Variants in PRSS23 observed in about 807,000 individuals in gnomAD.
The protein encoded by PRSS23 is serine protease 23, also known as protease, serine 23.
In PRSS23, 25 loss-of-function variants were observed where a neutral mutation model predicts 34.7. The ratio of observed to expected loss-of-function variants is 0.72; its 90% CI spans 0.53 to 1.01. PRSS23 has a LOEUF of 1.01. Among genes scored for constraint, PRSS23 ranks in the 50% least tolerant of loss-of-function variants. PRSS23 has a pLI of 0.00. For synonymous variants in PRSS23, 176 were observed against 186.6 expected, an observed-to-expected ratio of 0.94 and a Z score of 0.46; for missense variants, 445 against 475.6, an observed-to-expected ratio of 0.94 and a Z score of 0.60.
chr11:86,801,128 A>C (rs959617085), intron 1 of PRSS23, among the ~76,000 whole-genome samples: 1 of 152,194 alleles, frequency 6.6e-6, no homozygotes, highest in Non-Finnish European at 1.5e-5. Context: ...CTAAGCAAGC[A>C]AGAGAAGTGC....
Position 86,941,893 on chromosome 11 carries a change from A to T in PRSS23, c.207-9323A>T, listed in dbSNP as rs138984639. 4.6e-5 allele frequency among the ~76,000 whole-genome samples: 7 copies of T among 152,220 alleles called. No homozygotes were observed. The East Asian group carries it at 1.3e-3, about 29-fold the overall frequency. ...GTCATCAAAGCCCTTCAGTTTCTCCATCTAACAAGGTTAAAACCCTCCCTT... is the reference window on the plus strand; with the variant it reads ...GTCATCAAAGCCCTTCAGTTTCTCCTTCTAACAAGGTTAAAACCCTCCCTT... On this transcript the variant is annotated intron_variant, in intron 2 of 2. Coordinates refer to the PRSS23 transcript ENST00000533902.
rs886048735 is a variant in PRSS23 at position 86,952,452 on chromosome 11, A to T, written c.*1167A>T. ...ATCTTCTCTGTGCACATTGGCACAT[A>T]AACAGAACAAAGGAAGAACTGGAAA... On this transcript the variant is annotated 3_prime_UTR_variant, in exon 3 of 3. Transcript: ENST00000533902. The T allele has an allele frequency of 3.1e-6, 5 of 1,613,838 alleles. No individual in the cohort carries two copies. The highest frequency in any genetic ancestry group is 3.4e-6 in the Non-Finnish European group (4 of 1,179,982).
chr11:86,941,685 C>A, intron 2 of PRSS23, among the ~76,000 whole-genome samples: 1 of 152,152 alleles, frequency 6.6e-6, no homozygotes, highest in East Asian at 1.9e-4. Context: ...AGACTTTCAG[C>A]AAATATTTAA....
Position 86,808,264 on chromosome 11 carries a change from C to A in PRSS23, c.621C>A (p.Asn207Lys). The stretch of plus-strand genomic sequence containing the variant: ...TTAAAGATGGTGGTCGAGGGGCCAA[C>A]GACTCCACTTCAGCCATGCCCGAGC... ...PKFKDGGRGANDSTSAMPEQM... is the reference protein window; with the variant it reads ...PKFKDGGRGAKDSTSAMPEQM... Residue 207 changes from asparagine (N) to lysine (K), a missense_variant, in exon 2 of 2, where the codon AAC becomes AAA. By Grantham distance (94) the Asn-to-Lys change is moderately conservative. Coordinates refer to ENST00000280258, the MANE Select transcript of PRSS23 (RefSeq NM_007173.6). The A allele has an allele frequency of 6.2e-7, 1 of 1,614,078 alleles. No homozygotes were observed. Among genetic ancestry groups the A allele is most frequent in the Non-Finnish European group, 8.5e-7 (1 of 1,180,036 alleles).
chr11:86,821,601 C>G, intron 1 of PRSS23: 2 of 1,605,360 alleles, frequency 1.2e-6, no homozygotes, highest in South Asian at 2.2e-5. Context: ...AGACAGAATT[C>G]CCTTAAATGT....
intron 2 of PRSS23, among the ~76,000 whole-genome samples, chr11:86,925,401 T>C (rs1949074813): frequency 6.6e-6 from 1 of 152,052 alleles, no homozygotes; most frequent in South Asian, 2.1e-4. Context: ...TGACAAGCTT[T>C]AGAAACAGAA....
chr11:86,900,896 T>C (rs931871134), intron 2 of PRSS23, among the ~76,000 whole-genome samples: 2 of 147,414 alleles, frequency 1.4e-5, no homozygotes, highest in Non-Finnish European at 3.0e-5. Flanking sequence ...GCGATTCTCC[T>C]GCCTCAACCT....
chr11:86,828,611 A>G (rs1002433003), intron 2 of PRSS23, among the ~76,000 whole-genome samples: 3 of 152,208 alleles, frequency 2.0e-5, no homozygotes, highest in African/African-American at 4.8e-5. Flanking sequence ...ACAATTTGGC[A>G]TGATTTTGCA....
intron 2 of PRSS23, among the ~76,000 whole-genome samples, chr11:86,882,411 A>G (rs1948777541): frequency 6.6e-6 from 1 of 152,050 alleles, no homozygotes; most frequent in African/African-American, 2.4e-5. Context: ...CTATGTGTCC[A>G]TGTGTTCTCA....
chr11:86,865,921 C>T (rs190410876), intron 2 of PRSS23, among the ~76,000 whole-genome samples: 219 of 152,258 alleles, frequency 1.4e-3, no homozygotes, highest in Admixed American at 2.5e-3. Flanking sequence ...AGTCCACATG[C>T]GATTAAAAAA....
chr11:86,878,923 CGTCT>C (rs1948746157), intron 2 of PRSS23, among the ~76,000 whole-genome samples: 6 of 128,808 alleles, frequency 4.7e-5, no homozygotes, highest in Admixed American at 7.7e-5. Flanking sequence ...GCCGCCATCC[CGTCT>C]AGGAAGTGAG....
rs1269794173 is a variant in PRSS23, at chr11:86,809,606, C to G, written c.*811C>G. On this transcript the variant is annotated 3_prime_UTR_variant, in exon 2 of 2. Transcript: ENST00000280258. The stretch of plus-strand genomic sequence containing the variant: ...CACATTTCTGGAACTAGCTATTTTT[C>G]AGAAGACAATAATCAGGGCTTAATT... 6.0e-6 allele frequency: 1 copy of G among 167,036 alleles called. No homozygotes were observed. 10.3% of individuals were successfully genotyped at this position (167,036 alleles called of 1,614,324 possible).
chr11:86,947,557 G>C (rs1949254505), intron 2 of PRSS23: 1 of 152,264 alleles, frequency 6.6e-6, no homozygotes, highest in Admixed American at 6.5e-5. Context: ...AGGTGAGACA[G>C]TGACCTGGGA....
At chr11:86,823,091 G>A (rs1948265293) in intron 1 of PRSS23, among the ~76,000 whole-genome samples, 2 of 152,212 alleles carry the variant, frequency 1.3e-5, no homozygotes, top group South Asian at 2.1e-4. Context: ...GGCCCCGTCA[G>A]GGGATGGGGG....
chr11:86,791,768 C>A (rs1000426588), intron 1 of PRSS23, among the ~76,000 whole-genome samples: 1 of 152,192 alleles, frequency 6.6e-6, no homozygotes, highest in Non-Finnish European at 1.5e-5. Flanking sequence ...GACCTCTGTT[C>A]AAGGTGGCTC....
chr11:86,795,808 T>C (rs1249548354), upstream of PRSS23, among the ~76,000 whole-genome samples: 5 of 152,232 alleles, frequency 3.3e-5, no homozygotes, highest in Admixed American at 3.3e-4. Context: ...CAAAGAAATA[T>C]GAAACCATAT....
At chr11:86,838,251 C>G (rs1461779427) in intron 2 of PRSS23, among the ~76,000 whole-genome samples, 1 of 152,166 alleles carries the variant, frequency 6.6e-6, no homozygotes, top group Non-Finnish European at 1.5e-5. Flanking sequence ...AAACGGTACA[C>G]TCTTGACCAA....
upstream of PRSS23, among the ~76,000 whole-genome samples, chr11:86,795,795 T>C (rs1427443351): frequency 6.6e-6 from 1 of 152,248 alleles, no homozygotes; most frequent in African/African-American, 2.4e-5. Context: ...ACTTTATTAT[T>C]ATCAAAGAAA....
At chr11:86,906,904 T>TA (rs1290545005) in intron 2 of PRSS23, among the ~76,000 whole-genome samples, 1 of 151,966 alleles carries the variant, frequency 6.6e-6, no homozygotes, top group African/African-American at 2.4e-5. Context: ...CAATAAGCAG[T>TA]AAGTAGCAGG....
Sources: allele counts gnomAD v4.1 joint callset (sites outside exome capture counted in the v4.1 genomes callset), GRCh38; gene constraint gnomAD v4.1.1; transcripts MANE v1.5; gene names NCBI Gene and HGNC (gene_info 2026-07-23, HGNC 2026-07-21).